COPB1: variants seen among roughly 807,000 people sequenced by gnomAD.
COPB1 encodes coatomer subunit beta.
COPB1 carries 21 observed loss-of-function variants against 108.7 expected under a neutral mutation model. The observed-to-expected ratio is 0.19, with a 90% CI of 0.14 to 0.28. The LOEUF (loss-of-function observed/expected upper bound fraction) is 0.28. Among genes scored for constraint, COPB1 ranks in the 10% least tolerant of loss-of-function variants. The probability of loss-of-function intolerance (pLI) is 1.00; values close to 1 mark genes in which losing one functional copy is unlikely to be tolerated. For missense variants in COPB1, 919 were observed against 1,141.3 expected (o/e 0.81, Z 2.81); for synonymous variants, 378 against 386.8 (o/e 0.98, Z 0.27).
chr11:14,473,238 T>G (rs146718766), intron 14 of COPB1, among the ~76,000 whole-genome samples: 2 of 152,350 alleles, frequency 1.3e-5, no homozygotes, highest in African/African-American at 4.8e-5. Context: ...CCTCCCAAAG[T>G]GCTGGTGTGA....
Position 14,459,216 on chromosome 11 carries a change from T to G in COPB1, c.2647-529A>C, listed in dbSNP as rs530092190. On this transcript the variant is annotated intron_variant, in intron 20 of 21. Transcript: ENST00000439561. ...AATAAATCTGATGTTAAATAAATAG[T>G]TCTTAATCCGATTTGTATTTATATA... 2.0e-5 allele frequency among the ~76,000 whole-genome samples: 3 copies of G among 150,186 alleles called. No individual in the cohort carries two copies. In the East Asian group the frequency reaches 5.9e-4, roughly 29 times the overall value.
At chr11:14,483,218 C>A (rs975460137) in intron 7 of COPB1, 67 bp from the exon 8 acceptor site, 2 of 1,031,930 alleles carry the variant, frequency 1.9e-6, no homozygotes, top group African/African-American at 1.9e-5. Context: ...AATAAGCATG[C>A]GCGCGCACAC....
chr11:14,475,092 T>TC (rs1287470313), intron 13 of COPB1, among the ~76,000 whole-genome samples: 2 of 40,436 alleles, frequency 4.9e-5, no homozygotes, highest in African/African-American at 1.3e-4. Flanking sequence ...AGACTCTGTG[T>TC]CAAAAAAAAA....
chr11:14,463,426 T>C lies in COPB1; in HGVS notation c.2410+1485A>G, dbSNP rs530790390. On this transcript the variant is annotated intron_variant, in intron 18 of 21. Transcript: ENST00000439561. ...TCTGTCTCATGGGTTCAAGCTATTC[T>C]CCTGCCTCAGCCTCCCGAGTTAGCT... 1.5e-4 allele frequency among the ~76,000 whole-genome samples: 23 copies of C among 152,382 alleles called. No homozygotes were observed. The South Asian group carries it at 4.1e-3, about 27-fold the overall frequency.
intron 18 of COPB1, among the ~76,000 whole-genome samples, chr11:14,464,428 T>TA (rs1565011879): frequency 6.6e-6 from 1 of 152,222 alleles, no homozygotes; most frequent in Non-Finnish European, 1.5e-5. Flanking sequence ...CTCACCATGG[T>TA]AGCCCTATCC....
At chr11:14,479,366 G>A (rs910581372) in intron 11 of COPB1, among the ~76,000 whole-genome samples, 2 of 152,144 alleles carry the variant, frequency 1.3e-5, no homozygotes, top group Non-Finnish European at 2.9e-5. Context: ...GAGACCCTGA[G>A]CTAAATCACT....
At chr11:14,487,467 G>C (rs918243699) in intron 6 of COPB1, among the ~76,000 whole-genome samples, 4 of 152,086 alleles carry the variant, frequency 2.6e-5, no homozygotes, top group Non-Finnish European at 5.9e-5. Flanking sequence ...ACGAGGTCAG[G>C]AGTTTGGGAC....
chr11:14,461,458 T>C (rs1850148156), intron 18 of COPB1, 127 bp from the exon 19 acceptor site: 3 of 898,106 alleles, frequency 3.3e-6, no homozygotes, highest in Non-Finnish European at 4.9e-6. Flanking sequence ...ACTTATTATG[T>C]ACAGAGCTCT....
chr11:14,494,146 C>A, intron 3 of COPB1, 64 bp downstream of exon 3: 3 of 1,110,598 alleles, frequency 2.7e-6, no homozygotes, highest in Non-Finnish European at 3.9e-6. Flanking sequence ...AAAACACAGC[C>A]CATTCTACCA....
At chr11:14,461,917 A>G (rs945728944) in intron 18 of COPB1, among the ~76,000 whole-genome samples, 3 of 152,230 alleles carry the variant, frequency 2.0e-5, no homozygotes, top group Non-Finnish European at 2.9e-5. Flanking sequence ...CATTACCTAT[A>G]CACATCTTCT....
intron 5 of COPB1, among the ~76,000 whole-genome samples, chr11:14,489,495 C>A (rs1392798475): frequency 6.6e-6 from 1 of 152,120 alleles, no homozygotes; most frequent in Admixed American, 6.5e-5. Flanking sequence ...AATGGATGAA[C>A]AGGTAAACAC....
chr11:14,492,025 TGTTTC>T (rs1850916103), intron 4 of COPB1, among the ~76,000 whole-genome samples: 1 of 152,230 alleles, frequency 6.6e-6, no homozygotes, highest in South Asian at 2.1e-4. Context: ...TAGCTAGTTT[TGTTTC>T]ATCTATATCC....
At chr11:14,496,146 T>C (rs1851012171) in intron 2 of COPB1, among the ~76,000 whole-genome samples, 1 of 152,308 alleles carries the variant, frequency 6.6e-6, no homozygotes, top group East Asian at 1.9e-4. Context: ...CCTTTCTATA[T>C]TTGAAGCATA....
intron 5 of COPB1, among the ~76,000 whole-genome samples, chr11:14,490,063 T>A (rs1159367218): frequency 6.6e-6 from 1 of 152,148 alleles, no homozygotes; most frequent in Non-Finnish European, 1.5e-5. Context: ...TTAGATGGCA[T>A]CAAGGTGTAC....
At chr11:14,488,756 G>A (rs924105948) in intron 5 of COPB1, among the ~76,000 whole-genome samples, 172 bp from the exon 6 acceptor site, 1 of 152,030 alleles carries the variant, frequency 6.6e-6, no homozygotes, top group Non-Finnish European at 1.5e-5. Flanking sequence ...TAAAATATAA[G>A]ACATAAAGTT....
chr11:14,479,830 G>T, intron 10 of COPB1, 116 bp from the exon 11 acceptor site: 2 of 1,053,286 alleles, frequency 1.9e-6, no homozygotes, highest in Non-Finnish European at 2.7e-6. Context: ...AAGAGACAGG[G>T]TCTTGCTTTG....
Position 14,460,301 on chromosome 11 carries a change from T to C in COPB1, c.2557-4A>G, listed in dbSNP as rs1850115412. ...CCATGTTGGTGTTAACTGTCACCTGTAGAGAGGAAAAAAAAGTCAAGGAGA... is the reference window on the plus strand; with the variant it reads ...CCATGTTGGTGTTAACTGTCACCTGCAGAGAGGAAAAAAAAGTCAAGGAGA... On this transcript the variant is annotated splice_polypyrimidine_tract_variant and splice_region_variant and intron_variant, in intron 19 of 21. Transcript: ENST00000439561. The C allele has an allele frequency of 3.2e-6, 5 of 1,581,480 alleles. No homozygotes were observed. The highest frequency in any genetic ancestry group is 2.3e-5 in the East Asian group (1 of 44,130).
intron 4 of COPB1, 133 bp downstream of exon 4, chr11:14,493,509 A>C (rs758864735): frequency 1.6e-4 from 108 of 680,192 alleles, no homozygotes; most frequent in Non-Finnish European, 2.2e-4. Flanking sequence ...TGTTCATAAT[A>C]AAAAATACAG....
At position 14,461,226 on chromosome 11, in the gene COPB1, T is replaced by A. The variant is rs1357939117; in HGVS notation, c.2516A>T (p.Glu839Val). The A allele has an allele frequency of 6.2e-7, 1 of 1,614,190 alleles. No individual in the cohort carries two copies. Residue 839 changes from glutamate to valine, a missense_variant, in exon 19 of 22, where the codon GAA becomes GTA. Physicochemically the swap from Glu to Val is moderately radical, Grantham distance 121. Around this residue, in one of 5 missense-constraint regions of COPB1, gnomAD observed 705 missense variants for 817.8 expected, o/e 0.86. Coordinates refer to ENST00000439561, the MANE Select transcript of COPB1 (RefSeq NM_001144061.2). Reference protein sequence around the residue: ...YIQPATCTDAEFRQMWAEFEW... With the variant: ...YIQPATCTDAVFRQMWAEFEW... ...AAATTCGGCCCACATCTGACGGAAT[T>A]CTGCATCAGTGCAAGTTGCAGGCTG...
Sources: allele counts gnomAD v4.1 joint callset (sites outside exome capture counted in the v4.1 genomes callset), GRCh38; gene constraint gnomAD v4.1.1; regional missense constraint gnomAD v4.1.1; transcripts MANE v1.5; gene names NCBI Gene and HGNC (gene_info 2026-07-23, HGNC 2026-07-21).